The following DIRAS2 variants were observed in gnomAD, a reference collection of about 807,000 sequenced individuals.
DIRAS2 encodes the protein GTP-binding protein Di-Ras2.
DIRAS2 carries 5 observed loss-of-function variants against 13.9 expected under a neutral mutation model. That is an observed-to-expected ratio of 0.36 (90% CI 0.19 to 0.76). DIRAS2 has a LOEUF of 0.76. DIRAS2 is among the 30% of genes least tolerant of loss of function. The pLI, the probability that DIRAS2 is intolerant of heterozygous loss-of-function variation, is 0.53. For missense variants in DIRAS2, 191 were observed against 263.0 expected (o/e 0.73, Z 1.89); for synonymous variants, 111 against 105.4 (o/e 1.05, Z -0.33).
chr9:90,613,201 C>A lies in DIRAS2; in HGVS notation c.*27G>T. 6.3e-7 allele frequency: 1 copy of A among 1,592,908 alleles called. No homozygotes were observed. The highest frequency in any genetic ancestry group is 8.6e-7 in the Non-Finnish European group (1 of 1,168,894). On this transcript the variant is annotated 3_prime_UTR_variant, in exon 2 of 2. Transcript: ENST00000375765. This position sits in a 1 kb window ranked among gnomAD's most constrained non-coding sequence, Gnocchi z 5.6. ...GGGGGAGTGAGGTGCCGGGGACACACAGCTGCTCCTCCCGCAGGAAGGGCC... is the reference window on the plus strand; with the variant it reads ...GGGGGAGTGAGGTGCCGGGGACACAAAGCTGCTCCTCCCGCAGGAAGGGCC...
In DIRAS2 at chr9:90,613,217, A is replaced by G; in HGVS notation, c.*11T>C. On this transcript the variant is annotated 3_prime_UTR_variant, in exon 2 of 2. Transcript: ENST00000375765. This position sits in a 1 kb window ranked among gnomAD's most constrained non-coding sequence, Gnocchi z 5.6. ...GGGGACACACAGCTGCTCCTCCCGC[A>G]GGAAGGGCCTTCACATGATCACGCA... The G allele has an allele frequency of 1.2e-6, 2 of 1,602,488 alleles. No homozygotes were observed. Among genetic ancestry groups the G allele is most frequent in the Non-Finnish European group, 1.7e-6 (2 of 1,173,306 alleles).
intron 1 of DIRAS2, among the ~76,000 whole-genome samples, chr9:90,628,040 G>GA (rs5899101): frequency 0.21 from 31,970 of 150,878 alleles, 3,818 homozygotes; most frequent in East Asian, 0.32. Flanking sequence ...AAAAGAAAAA[G>GA]AAAAAAAAAT....
In DIRAS2 at chr9:90,612,044, AT is replaced by A. The variant is rs1439398173; in HGVS notation, c.*1183del. 1.3e-5 allele frequency: 2 copies of A among 152,702 alleles called. No individual in the cohort carries two copies. The highest frequency in any genetic ancestry group is 2.9e-5 in the Non-Finnish European group (2 of 68,038). The allele number at this position is 152,702 out of a possible 1,614,324, so 9.5% of individuals were successfully genotyped here. On this transcript the variant is annotated 3_prime_UTR_variant, in exon 2 of 2. Transcript: ENST00000375765. ...ACAAAATCATTAAGAGAAAAAGATA[AT>A]TGTTTCTAGAGTGAATACTGTATTG...
chr9:90,636,835 C>T (rs1177131049), intron 1 of DIRAS2, among the ~76,000 whole-genome samples: 2 of 152,180 alleles, frequency 1.3e-5, no homozygotes, highest in Non-Finnish European at 2.9e-5. Flanking sequence ...TACCATGTGG[C>T]TACAGTCTGA....
chr9:90,634,665 G>A (rs1192164176), intron 1 of DIRAS2, among the ~76,000 whole-genome samples: 2 of 152,198 alleles, frequency 1.3e-5, no homozygotes, highest in African/African-American at 4.8e-5. Context: ...GAGGAAAGTG[G>A]ATTTAACCAG....
Position 90,610,216 on chromosome 9 carries a change from TG to T in DIRAS2, c.*3011del. On this transcript the variant is annotated 3_prime_UTR_variant, in exon 2 of 2. Transcript: ENST00000375765. ...ATTTTTAAAATATTTAATACATTTT[TG>T]TTCTACAAAGAATGAGCATTTCTTA... The T allele has an allele frequency of 2.6e-6, 1 of 386,884 alleles. No homozygotes were observed. The highest frequency in any genetic ancestry group is 4.5e-6 in the Non-Finnish European group (1 of 220,130). The allele number at this position is 386,884 out of a possible 1,614,324, so 24.0% of individuals were successfully genotyped here. A position where few individuals can be genotyped will look rare whatever the true frequency, so the allele number is the denominator to read the frequency against.
At chr9:90,634,839 G>C (rs1825356678) in intron 1 of DIRAS2, among the ~76,000 whole-genome samples, 1 of 152,128 alleles carries the variant, frequency 6.6e-6, no homozygotes, top group Non-Finnish European at 1.5e-5. Context: ...TAAGACAATG[G>C]GCTTCGTGCC....
chr9:90,614,968 C>T (rs1232265749), intron 1 of DIRAS2, among the ~76,000 whole-genome samples: 2 of 152,106 alleles, frequency 1.3e-5, no homozygotes, highest in African/African-American at 4.8e-5. Flanking sequence ...TAACACCAAA[C>T]AAAATAGAGA....
intron 1 of DIRAS2, among the ~76,000 whole-genome samples, chr9:90,626,600 G>T (rs1054632675): frequency 6.6e-6 from 1 of 152,148 alleles, no homozygotes; most frequent in African/African-American, 2.4e-5. Context: ...ACACCCACTA[G>T]AATGGCTGTT....
chr9:90,622,458 G>T (rs72746506), intron 1 of DIRAS2, among the ~76,000 whole-genome samples: 3 of 147,632 alleles, frequency 2.0e-5, no homozygotes, highest in African/African-American at 5.0e-5. Flanking sequence ...ACTTTTTTCC[G>T]GAGTTTTTTT....
intron 1 of DIRAS2, among the ~76,000 whole-genome samples, chr9:90,627,342 G>A (rs1825279414): frequency 6.6e-6 from 1 of 152,172 alleles, no homozygotes; most frequent in South Asian, 2.1e-4. Flanking sequence ...ATATTATTCA[G>A]CCTTAAATGG....
At chr9:90,623,447 A>C (rs1174099847) in intron 1 of DIRAS2, among the ~76,000 whole-genome samples, 3 of 151,912 alleles carry the variant, frequency 2.0e-5, no homozygotes, top group African/African-American at 7.3e-5. Context: ...ATACATAGAC[A>C]GCTAGAGGAA....
intron 1 of DIRAS2, among the ~76,000 whole-genome samples, chr9:90,619,751 C>G (rs1825202516): frequency 1.3e-5 from 2 of 152,106 alleles, no homozygotes; most frequent in Non-Finnish European, 1.5e-5. Flanking sequence ...TACAATGATA[C>G]TCATAGCAAT....
In DIRAS2 at chr9:90,613,730, C is replaced by T. The variant is rs372660715; in HGVS notation, c.98G>A (p.Arg33Gln). 3.1e-6 allele frequency: 5 copies of T among 1,614,032 alleles called. No homozygotes were observed. The highest frequency in any genetic ancestry group is 1.7e-5 in the Admixed American group (1 of 59,978). Residue 33 changes from arginine (R) to glutamine (Q), a missense_variant, in exon 2 of 2, where the codon CGG (arginine) becomes CAG (glutamine). Arg to Gln is a conservative substitution (Grantham distance 43). Transcript: ENST00000375765. This position sits in a 1 kb window ranked among gnomAD's most constrained non-coding sequence, Gnocchi z 5.6. Reference protein sequence around the residue: ...LVLRFVKGTFRESYIPTVEDT... With the variant: ...LVLRFVKGTFQESYIPTVEDT... The stretch of plus-strand genomic sequence containing the variant: ...TTCCACCGTCGGGATGTAGCTCTCC[C>T]GGAATGTGCCTTTCACAAACCTCAA...
At chr9:90,640,369 C>T (rs1487561606) in intron 1 of DIRAS2, among the ~76,000 whole-genome samples, 1 of 152,104 alleles carries the variant, frequency 6.6e-6, no homozygotes, top group Admixed American at 6.6e-5. Context: ...AGAGTCCTTC[C>T]CCGTCAGTGA....
chr9:90,622,400 A>G (rs770998947), intron 1 of DIRAS2, among the ~76,000 whole-genome samples: 1 of 152,036 alleles, frequency 6.6e-6, no homozygotes, highest in African/African-American at 2.4e-5. Context: ...TCTTTCATCA[A>G]ACTTTGCTAA....
chr9:90,637,561 T>C (rs1825382306), intron 1 of DIRAS2, among the ~76,000 whole-genome samples: 1 of 152,224 alleles, frequency 6.6e-6, no homozygotes, highest in African/African-American at 2.4e-5. Flanking sequence ...TATGGTGTAT[T>C]ATCAAACTCT....
intron 1 of DIRAS2, among the ~76,000 whole-genome samples, chr9:90,639,861 T>C (rs1825402949): frequency 6.6e-6 from 1 of 152,200 alleles, no homozygotes; most frequent in African/African-American, 2.4e-5. Context: ...TGAGATCATT[T>C]GTATATTTAT....
chr9:90,639,057 A>C (rs1183727287), intron 1 of DIRAS2, among the ~76,000 whole-genome samples: 1 of 152,134 alleles, frequency 6.6e-6, no homozygotes, highest in Non-Finnish European at 1.5e-5. Context: ...TCAGAAAAAT[A>C]ATCACTTTGC....
Sources: allele counts gnomAD v4.1 joint callset (sites outside exome capture counted in the v4.1 genomes callset), GRCh38; gene constraint gnomAD v4.1.1; non-coding constraint Gnocchi (gnomAD v3.1); transcripts MANE v1.5; gene names NCBI Gene and HGNC (gene_info 2026-07-23, HGNC 2026-07-21).